Variants in SDK1 observed in about 807,000 individuals in gnomAD.
SDK1 encodes protein sidekick-1.
A neutral mutation model predicts 245.5 loss-of-function variants in SDK1; 157 were observed. The observed-to-expected ratio is 0.64, with a 90% CI of 0.56 to 0.73. The LOEUF is 0.73. SDK1 is among the 30% of genes least tolerant of loss of function. The probability of loss-of-function intolerance (pLI) is 0.00; values close to 1 mark genes in which losing one functional copy is unlikely to be tolerated. For missense variants in SDK1, 3,583 were observed against 3,002.3 expected, an observed-to-expected ratio of 1.19 and a Z score of -4.52; for synonymous variants, 1,647 against 1,278.5, an observed-to-expected ratio of 1.29 and a Z score of -6.15.
At chr7:4,127,994 C>A (rs924607942) in intron 26 of SDK1, among the ~76,000 whole-genome samples, 1 of 152,168 alleles carries the variant, frequency 6.6e-6, no homozygotes, top group East Asian at 1.9e-4. Context: ...CAATGGCATC[C>A]GCTGGCAGGG....
intron 4 of SDK1, among the ~76,000 whole-genome samples, chr7:3,658,914 G>A (rs1487007430): frequency 1.3e-5 from 2 of 152,014 alleles, no homozygotes; most frequent in East Asian, 3.9e-4. Context: ...CACCATGCCT[G>A]GCCCATCACC....
At chr7:3,303,606 A>G (rs1241662195) in intron 1 of SDK1, among the ~76,000 whole-genome samples, 1 of 152,226 alleles carries the variant, frequency 6.6e-6, no homozygotes, top group East Asian at 1.9e-4. Context: ...TTTGGCAGTA[A>G]AAACATTGGT....
At chr7:3,824,822 C>A (rs1426701990) in intron 5 of SDK1, among the ~76,000 whole-genome samples, 1 of 152,184 alleles carries the variant, frequency 6.6e-6, no homozygotes, top group South Asian at 2.1e-4. Context: ...GAGATGCAGT[C>A]CCATAATGGT....
chr7:4,191,372 A>T (rs1365766580), intron 35 of SDK1, among the ~76,000 whole-genome samples: 1 of 152,246 alleles, frequency 6.6e-6, no homozygotes, highest in Non-Finnish European at 1.5e-5. Flanking sequence ...AGTATTACTC[A>T]TCTGACGTCC....
intron 16 of SDK1, among the ~76,000 whole-genome samples, chr7:4,016,036 T>G (rs1413783848): frequency 6.6e-6 from 1 of 152,258 alleles, no homozygotes; most frequent in Non-Finnish European, 1.5e-5. Context: ...TTTCTGGGTT[T>G]CTTCTCTGCT....
chr7:4,164,520 G>T (rs1781370933), intron 32 of SDK1, among the ~76,000 whole-genome samples: 1 of 152,218 alleles, frequency 6.6e-6, no homozygotes, highest in Admixed American at 6.5e-5. Flanking sequence ...CACCAACACA[G>T]TCAATCACAA....
rs10951322 is a variant in SDK1 at position 3,811,560 on chromosome 7, A to T, written c.714-9890A>T. 9.1e-4 allele frequency among the ~76,000 whole-genome samples: 138 copies of T among 152,110 alleles called. No homozygotes were observed. In the Middle Eastern group the frequency reaches 0.014, roughly 15 times the overall value. The stretch of plus-strand genomic sequence containing the variant: ...GGGCTTTAATTCAGAGACCGACAAT[A>T]TGCACCCAGGCAGATGTCCCTCTGT... On this transcript the variant is annotated intron_variant, in intron 4 of 44. Coordinates refer to ENST00000404826, the MANE Select transcript of SDK1 (RefSeq NM_152744.4).
At chr7:3,560,684 C>A (rs1393335346) in intron 1 of SDK1, among the ~76,000 whole-genome samples, 1 of 152,110 alleles carries the variant, frequency 6.6e-6, no homozygotes, top group African/African-American at 2.4e-5. Context: ...CAGCACTCTC[C>A]AGTGGCCACC....
intron 5 of SDK1, among the ~76,000 whole-genome samples, chr7:3,934,112 A>G (rs777326197): frequency 4.6e-5 from 7 of 152,266 alleles, no homozygotes; most frequent in Non-Finnish European, 7.4e-5. Flanking sequence ...GGTAATTTCT[A>G]CTCTGTGAGT....
chr7:3,840,639 C>A (rs774625026), intron 5 of SDK1, among the ~76,000 whole-genome samples: 8 of 152,180 alleles, frequency 5.3e-5, no homozygotes, highest in Admixed American at 1.3e-4. Flanking sequence ...CCAAGATTTC[C>A]AACAAGCTCC....
intron 5 of SDK1, 148 bp downstream of exon 5, chr7:3,821,731 G>C: frequency 1.4e-6 from 1 of 729,306 alleles, no homozygotes; most frequent in Non-Finnish European, 2.1e-6. Flanking sequence ...CCAATAGTTC[G>C]GAGAGCTTTA....
chr7:3,820,873 A>G (rs985609697), intron 4 of SDK1, among the ~76,000 whole-genome samples: 8 of 152,246 alleles, frequency 5.3e-5, no homozygotes, highest in African/African-American at 1.7e-4. Context: ...CTTCTAAGAC[A>G]TGGTGAGATA....
chr7:3,384,698 A>T (rs761324944), intron 1 of SDK1, among the ~76,000 whole-genome samples: 1 of 152,234 alleles, frequency 6.6e-6, no homozygotes, highest in Non-Finnish European at 1.5e-5. Flanking sequence ...CCAGCATTCA[A>T]ATGCAGCAGG....
intron 4 of SDK1, among the ~76,000 whole-genome samples, chr7:3,713,851 A>G (rs539421804): frequency 3.9e-5 from 6 of 152,226 alleles, no homozygotes; most frequent in Non-Finnish European, 7.3e-5. Context: ...TCCTATATCA[A>G]GTAATCATAG....
At chr7:3,327,856 T>C (rs796621015) in intron 1 of SDK1, among the ~76,000 whole-genome samples, 2 of 152,272 alleles carry the variant, frequency 1.3e-5, no homozygotes, top group African/African-American at 4.8e-5. Context: ...CGAAAACTCA[T>C]GTCTGAATTC....
intron 5 of SDK1, among the ~76,000 whole-genome samples, chr7:3,925,770 G>A (rs1389372837): frequency 6.6e-6 from 1 of 152,186 alleles, no homozygotes; most frequent in Non-Finnish European, 1.5e-5. Flanking sequence ...GGACTTGGCA[G>A]GTGCGTGCTC....
intron 1 of SDK1, among the ~76,000 whole-genome samples, chr7:3,474,859 A>C (rs1053636391): frequency 6.6e-6 from 1 of 152,034 alleles, no homozygotes; most frequent in African/African-American, 2.4e-5. Flanking sequence ...TACCTGGCTA[A>C]TGTTTTAATT....
Position 3,972,383 on chromosome 7 carries a change from G to T in SDK1, c.1817+815G>T, listed in dbSNP as rs550017183. ...AGTGAGCTGCCGTGCCCGGCCAAGG[G>T]TTCTCTAAAGGAATGCCGACATCCT... On this transcript the variant is annotated intron_variant, in intron 12 of 44. Transcript: ENST00000404826. 4.5e-4 allele frequency among the ~76,000 whole-genome samples: 68 copies of T among 152,192 alleles called. 1 individual carries two copies. The South Asian group carries it at 0.013, about 30-fold the overall frequency.
chr7:3,442,782 G>A (rs1440029630), intron 1 of SDK1, among the ~76,000 whole-genome samples: 1 of 152,010 alleles, frequency 6.6e-6, no homozygotes, highest in Non-Finnish European at 1.5e-5. Context: ...TGTTCTTGTT[G>A]CCAGTGACTA....
Sources: allele counts gnomAD v4.1 joint callset (sites outside exome capture counted in the v4.1 genomes callset), GRCh38; gene constraint gnomAD v4.1.1; transcripts MANE v1.5; gene names NCBI Gene and HGNC (gene_info 2026-07-23, HGNC 2026-07-21).